GAB2: variants seen among roughly 807,000 people sequenced by gnomAD.
GAB2 encodes GRB2-associated-binding protein 2.
In GAB2, 26 loss-of-function variants were observed where a neutral mutation model predicts 65.5. That is an observed-to-expected ratio of 0.40 (90% confidence interval 0.29 to 0.55). The LOEUF is 0.55. Among genes scored for constraint, GAB2 ranks in the 20% least tolerant of loss-of-function variants. The pLI, the probability that GAB2 is intolerant of heterozygous loss-of-function variation, is 0.53. For missense variants in GAB2, 884 were observed against 875.8 expected (o/e 1.01, Z -0.12); for synonymous variants, 321 against 329.6 (o/e 0.97, Z 0.28).
At chr11:78,389,976 T>C (rs182666102) in intron 1 of GAB2, among the ~76,000 whole-genome samples, 1 of 152,352 alleles carries the variant, frequency 6.6e-6, no homozygotes, top group Admixed American at 6.5e-5. Flanking sequence ...TTCAGCATAA[T>C]ATAGATCCTT....
intron 2 of GAB2, among the ~76,000 whole-genome samples, chr11:78,256,961 A>G (rs773898623): frequency 2.6e-5 from 4 of 152,172 alleles, no homozygotes; most frequent in Non-Finnish European, 5.9e-5. Context: ...AGTCTAGACT[A>G]AAGATAATGC....
intron 1 of GAB2, among the ~76,000 whole-genome samples, chr11:78,381,771 T>C (rs986648291): frequency 6.6e-6 from 1 of 152,212 alleles, no homozygotes; most frequent in Non-Finnish European, 1.5e-5. Context: ...GTTATGTACA[T>C]ATAGAGTCAC....
At chr11:78,388,352 G>C (rs1233494606) in intron 1 of GAB2, among the ~76,000 whole-genome samples, 1 of 147,296 alleles carries the variant, frequency 6.8e-6, no homozygotes, top group Non-Finnish European at 1.5e-5. Context: ...TTTGCGACAG[G>C]GTCTCGCTCT....
intron 2 of GAB2, among the ~76,000 whole-genome samples, chr11:78,253,004 CTTTTTTTTTTTT>C (rs984989129): frequency 9.4e-6 from 1 of 106,948 alleles, no homozygotes; most frequent in Non-Finnish European, 1.7e-5. Flanking sequence ...AATATCTTTC[CTTTTTTTTTTTT>C]TTTTTTTTTT....
At chr11:78,292,453 T>C (rs4944195) in intron 1 of GAB2, among the ~76,000 whole-genome samples, 23,891 of 152,194 alleles carry the variant, frequency 0.16, 2,435 homozygotes, top group East Asian at 0.4. Flanking sequence ...AGATAGAAGA[T>C]TCTGGAGGTT....
intron 1 of GAB2, among the ~76,000 whole-genome samples, chr11:78,315,597 C>T (rs752304393): frequency 2.0e-5 from 3 of 152,078 alleles, no homozygotes; most frequent in Non-Finnish European, 2.9e-5. Flanking sequence ...TGTTTCATGA[C>T]AATGGATTTG....
At chr11:78,310,663 A>G (rs2134643187) in intron 1 of GAB2, among the ~76,000 whole-genome samples, 1 of 152,262 alleles carries the variant, frequency 6.6e-6, no homozygotes, top group East Asian at 1.9e-4. Context: ...ATTAATGGAA[A>G]CTCAGATATT....
At chr11:78,221,525 C>A (rs370547834) in intron 8 of GAB2, 152 bp downstream of exon 8, 130 of 438,996 alleles carry the variant, frequency 3.0e-4, no homozygotes, top group African/African-American at 2.3e-3. Flanking sequence ...TAAACAGGTG[C>A]TCAAGAAGGG....
rs183208900 is a variant in GAB2 at position 78,350,817 on chromosome 11, T to C, written c.75+66829A>G. Among the ~76,000 whole-genome samples the C allele has an allele frequency of 2.7e-3, 405 of 152,326 alleles. 2 individuals are homozygous for C. The highest frequency in any genetic ancestry group is 9.0e-3 in the African/African-American group (375 of 41,566). On this transcript the variant is annotated intron_variant, in intron 1 of 9. Transcript: ENST00000361507. Reference sequence around the variant, plus strand: ...ACAGGAACATGTGCTTTTGTGCTCATTGAACTAAAGCCTCCTCCCCAAACT... The same window carrying C: ...ACAGGAACATGTGCTTTTGTGCTCACTGAACTAAAGCCTCCTCCCCAAACT...
At chr11:78,266,267 C>G (rs1398281699) in intron 2 of GAB2, among the ~76,000 whole-genome samples, 2 of 147,348 alleles carry the variant, frequency 1.4e-5, no homozygotes, top group African/African-American at 2.5e-5. Context: ...GGCAGCTACT[C>G]TGTGGCTACT....
At chr11:78,254,476 T>C (rs1865541434) in intron 2 of GAB2, among the ~76,000 whole-genome samples, 1 of 152,170 alleles carries the variant, frequency 6.6e-6, no homozygotes, top group Non-Finnish European at 1.5e-5. Context: ...CACAAAGTCA[T>C]GTCAATGAAA....
intron 2 of GAB2, among the ~76,000 whole-genome samples, chr11:78,275,445 A>AAC (rs1866139824): frequency 6.6e-6 from 1 of 152,104 alleles, no homozygotes; most frequent in African/African-American, 2.4e-5. Context: ...TAAAAAAAAA[A>AAC]CACTGAATGA....
intron 1 of GAB2, among the ~76,000 whole-genome samples, chr11:78,382,844 G>T (rs1856715423): frequency 6.6e-6 from 1 of 152,228 alleles, no homozygotes; most frequent in South Asian, 2.1e-4. Flanking sequence ...TCGATTAGAA[G>T]TCAACAGTAT....
intron 1 of GAB2, among the ~76,000 whole-genome samples, chr11:78,345,174 G>A (rs770691983): frequency 1.3e-5 from 2 of 152,126 alleles, no homozygotes; most frequent in Non-Finnish European, 2.9e-5. Flanking sequence ...CAGCTACTTC[G>A]AAGCTGAGGT....
At chr11:78,265,460 C>A (rs556145995) in intron 2 of GAB2, among the ~76,000 whole-genome samples, 37 of 152,242 alleles carry the variant, frequency 2.4e-4, no homozygotes, top group African/African-American at 8.4e-4. Flanking sequence ...AGAAGTTTCT[C>A]ATTCTATGAA....
chr11:78,360,407 AAAG>A (rs1431705796), intron 1 of GAB2, among the ~76,000 whole-genome samples: 2 of 151,402 alleles, frequency 1.3e-5, no homozygotes, highest in East Asian at 1.9e-4. Context: ...AAAAAAAAAA[AAAG>A]AAGAAGAGGA....
At chr11:78,238,749 C>CA (rs1359077680) in intron 3 of GAB2, among the ~76,000 whole-genome samples, 1 of 151,990 alleles carries the variant, frequency 6.6e-6, no homozygotes, top group Non-Finnish European at 1.5e-5. Flanking sequence ...AATATGACAC[C>CA]AAAAGCACAG....
At chr11:78,325,140 G>T (rs1344242166) in intron 1 of GAB2, among the ~76,000 whole-genome samples, 1 of 152,156 alleles carries the variant, frequency 6.6e-6, no homozygotes. Context: ...CTTTTATCTT[G>T]TTTGTCAAGT....
chr11:78,369,708 A>C (rs1182865846), intron 1 of GAB2, among the ~76,000 whole-genome samples: 9 of 152,198 alleles, frequency 5.9e-5, no homozygotes, highest in Non-Finnish European at 1.3e-4. Flanking sequence ...ATTTCAGCAC[A>C]TTTTTTAAGT....
Sources: gnomAD v4.1 joint callset for allele counts (sites outside exome capture counted in the v4.1 genomes callset) on GRCh38, gnomAD v4.1.1 for gene constraint, MANE v1.5 for transcripts, NCBI Gene and HGNC (gene_info 2026-07-23, HGNC 2026-07-21) for gene names.